PIGQ: variants seen among roughly 807,000 people sequenced by gnomAD.
The protein encoded by PIGQ is phosphatidylinositol N-acetylglucosaminyltransferase subunit Q.
Under a neutral mutation model 60.3 loss-of-function variants are expected in PIGQ, and 54 were observed. The ratio of observed to expected loss-of-function variants is 0.90; its 90% confidence interval spans 0.72 to 1.12. PIGQ has a LOEUF of 1.12. PIGQ is among the 50% of genes most tolerant of loss of function. The pLI, the probability that PIGQ is intolerant of heterozygous loss-of-function variation, is 0.00. For missense variants in PIGQ, 799 were observed against 793.5 expected (o/e 1.01, Z -0.08); for synonymous variants, 416 against 363.7 (o/e 1.14, Z -1.64).
At chr16:573,486 G>C (rs976520703) in intron 1 of PIGQ, among the ~76,000 whole-genome samples, 1 of 152,204 alleles carries the variant, frequency 6.6e-6, no homozygotes, top group Non-Finnish European at 1.5e-5. Flanking sequence ...GCTTGTGGGA[G>C]GCAGGGACCT....
In PIGQ at chr16:579,161, G is replaced by A. The variant is rs1367766029; in HGVS notation, c.1316G>A (p.Cys439Tyr). ...GTTCTGCGCCAGCGCGTGGACTCCTGTTCCTATGACCTGGACCAGGTATGG... is the reference window on the plus strand; with the variant it reads ...GTTCTGCGCCAGCGCGTGGACTCCTATTCCTATGACCTGGACCAGGTATGG... Reference protein sequence around the residue: ...WNVLRQRVDSCSYDLDQLFIG... With the variant: ...WNVLRQRVDSYSYDLDQLFIG... Residue 439 changes from cysteine (C) to tyrosine (Y), a missense_variant, in exon 7 of 11, where the codon TGT (cysteine) becomes TAT (tyrosine). Cys to Tyr is a radical substitution (Grantham distance 194, BLOSUM62 -2). Coordinates refer to ENST00000321878, the MANE Select transcript of PIGQ (RefSeq NM_004204.5). 6.2e-7 allele frequency: 1 copy of A among 1,612,794 alleles called. No individual in the cohort carries two copies. The highest frequency in any genetic ancestry group is 8.5e-7 in the Non-Finnish European group (1 of 1,179,658).
chr16:581,231 C>T, intron 9 of PIGQ: 1 of 1,419,610 alleles, frequency 7.0e-7, no homozygotes, highest in Non-Finnish European at 9.3e-7. Context: ...GGCCACAGGC[C>T]TTTGTTCTTC....
rs151296912 is a variant in PIGQ at position 574,917 on chromosome 16, T to C, written c.689+154T>C. ...AGCCCGGGCTTTGGCCCCATCCTGC[T>C]CTCCCAACCCTCGCCTCTCAGAGGG... On this transcript the variant is annotated intron_variant, in intron 2 of 10. Transcript: ENST00000321878. Among the ~76,000 whole-genome samples, 1,477 of 152,160 alleles carry C rather than the reference T, an allele frequency of 9.7e-3. 26 individuals carry two copies. Among genetic ancestry groups the C allele is most frequent in the African/African-American group, 0.033 (1,371 of 41,500 alleles).
rs2035766263 is a variant in PIGQ at position 578,929 on chromosome 16, A to G, written c.1214A>G (p.Tyr405Cys). 1 of 1,607,746 alleles carries G rather than the reference A, an allele frequency of 6.2e-7. No individual in the cohort carries two copies. Among genetic ancestry groups the G allele is most frequent in the Non-Finnish European group, 8.5e-7 (1 of 1,178,194 alleles). ...TTCCACATCTACTGCTTTTACGTCTATGGAGCCAGGTGGGCGTGGGCTTCC... is the reference window on the plus strand; with the variant it reads ...TTCCACATCTACTGCTTTTACGTCTGTGGAGCCAGGTGGGCGTGGGCTTCC... ...LTFHIYCFYV[Y>C]GARLYCLKIH... The change falls in exon 6 of 11, where the codon TAT becomes TGT. Residue 405 changes from tyrosine (Y) to cysteine (C), a missense_variant. Tyr to Cys is a radical substitution (Grantham distance 194). Transcript: ENST00000321878.
intron 4 of PIGQ, chr16:577,384 T>G (rs531242990): frequency 1.3e-5 from 2 of 151,552 alleles, no homozygotes; most frequent in Admixed American, 6.6e-5. Context: ...GAGACCATCC[T>G]GGCTAACACA....
At chr16:570,137 C>T (rs963230777) in intron 1 of PIGQ, 41 bp downstream of exon 1, 13 of 151,042 alleles carry the variant, frequency 8.6e-5, no homozygotes, top group African/African-American at 2.7e-4. Context: ...GGACCTCGGG[C>T]AGCGCCCCTG....
At chr16:576,294 G>A (rs532933429) in intron 4 of PIGQ, 40 bp downstream of exon 4, 17 of 1,540,338 alleles carry the variant, frequency 1.1e-5, no homozygotes, top group Non-Finnish European at 7.0e-6. Flanking sequence ...CCGGGTGGGC[G>A]TGGGGACCCC....
At chr16:582,108 A>C in intron 9 of PIGQ, 140 bp from the exon 10 acceptor site, 1 of 713,936 alleles carries the variant, frequency 1.4e-6, no homozygotes, top group Non-Finnish European at 2.5e-6. Flanking sequence ...TGGGCGACGG[A>C]GGGGGCGGGG....
At chr16:572,255 TCA>T (rs2035642864) in intron 1 of PIGQ, among the ~76,000 whole-genome samples, 1 of 152,186 alleles carries the variant, frequency 6.6e-6, no homozygotes, top group Non-Finnish European at 1.5e-5. Context: ...CCTTGGTGCC[TCA>T]CGTCAGCTGG....
intron 9 of PIGQ, 101 bp downstream of exon 9, chr16:581,073 G>A: frequency 2.2e-6 from 3 of 1,354,304 alleles, no homozygotes; most frequent in Non-Finnish European, 3.2e-6. Flanking sequence ...TGTGCCTCCA[G>A]CCTGGAAGCC....
chr16:582,662 G>T, intron 10 of PIGQ: 1 of 612,072 alleles, frequency 1.6e-6, no homozygotes, highest in Non-Finnish European at 2.9e-6. Flanking sequence ...CCTCAGAGTT[G>T]GGCAGCCCCG....
In PIGQ at chr16:576,235, C is replaced by A; in HGVS notation, c.923C>A (p.Ala308Asp). 1.3e-6 allele frequency: 2 copies of A among 1,553,800 alleles called. No individual in the cohort carries two copies. The highest frequency in any genetic ancestry group is 2.4e-5 in the East Asian group (1 of 41,438). The part of the protein sequence containing the change: ...GRSRIGHLAD[A>D]LVPVADHVAE... Reference sequence around the variant, plus strand: ...AGCCGCATCGGGCATCTGGCCGACGCCCTCGTTCCTGTGGCTGACGTGAGT... The same window carrying A: ...AGCCGCATCGGGCATCTGGCCGACGACCTCGTTCCTGTGGCTGACGTGAGT... The change falls in exon 4 of 11, where the codon GCC becomes GAC. Residue 308 changes from alanine (A) to aspartate (D), a missense_variant. Transcript: ENST00000321878.
At chr16:579,989 C>T (rs923252507) in intron 7 of PIGQ, 194 bp from the exon 8 acceptor site, 6 of 474,240 alleles carry the variant, frequency 1.3e-5, no homozygotes, top group Admixed American at 3.6e-5. Context: ...TGTCTCCCTG[C>T]GAGTCCCCTA....
chr16:575,737 G>A, intron 2 of PIGQ, 102 bp from the exon 3 acceptor site: 1 of 1,281,954 alleles, frequency 7.8e-7, no homozygotes, highest in Non-Finnish European at 1.1e-6. Context: ...GTCCTGCTGA[G>A]CTCAGGAGTG....
rs2035798066 is a variant in PIGQ at position 580,858 on chromosome 16, C to T, written c.1417C>T (p.Leu473Phe). 7.1e-7 allele frequency: 1 copy of T among 1,411,880 alleles called. No individual in the cohort carries two copies. The highest frequency in any genetic ancestry group is 1.0e-6 in the Non-Finnish European group (1 of 1,003,618). 87.5% of individuals were successfully genotyped at this position (1,411,880 alleles called of 1,614,324 possible). A position where few individuals can be genotyped will look rare whatever the true frequency, so the allele number is the denominator to read the frequency against. Residue 473 changes from leucine (L) to phenylalanine (F), a missense_variant and splice_region_variant, in exon 9 of 11, where the codon CTC becomes TTC. Leu to Phe is a conservative substitution (Grantham distance 22, BLOSUM62 0). Coordinates refer to ENST00000321878, the MANE Select transcript of PIGQ (RefSeq NM_004204.5). ...TALYYLVFTL[L>F]RLLVVAVQGL... is the part of the protein sequence containing the mutation. Reference sequence around the variant, plus strand: ...GGTCCTAAATGCTCCTCTGCCACAGCTCCGGCTCCTGGTGGTCGCCGTGCA... The same window carrying T: ...GGTCCTAAATGCTCCTCTGCCACAGTTCCGGCTCCTGGTGGTCGCCGTGCA...
Position 583,747 on chromosome 16 carries a change from G to T in PIGQ, c.*712G>T. 1 of 1,241,000 alleles carries T rather than the reference G, an allele frequency of 8.1e-7. No individual in the cohort carries two copies. The highest frequency in any genetic ancestry group is 2.4e-5 in the East Asian group (1 of 42,256). The allele number at this position is 1,241,000 out of a possible 1,614,324, so 76.9% of individuals were successfully genotyped here. A position where few individuals can be genotyped will look rare whatever the true frequency, so the allele number is the denominator to read the frequency against. Reference sequence around the variant, plus strand: ...CGTACCTATTCGTCCACGGTGCCCCGTAGCAGCAGGTCCTGCGGCCAAATC... The same window carrying T: ...CGTACCTATTCGTCCACGGTGCCCCTTAGCAGCAGGTCCTGCGGCCAAATC... On this transcript the variant is annotated 3_prime_UTR_variant, in exon 11 of 11. Transcript: ENST00000321878.
intron 7 of PIGQ, 155 bp from the exon 8 acceptor site, chr16:580,028 C>T: frequency 1.8e-6 from 1 of 552,814 alleles, no homozygotes. Context: ...GACAGCCCTC[C>T]TGCTACTGGG....
intron 2 of PIGQ, 23 bp downstream of exon 2, chr16:574,786 G>C: frequency 3.3e-6 from 5 of 1,495,942 alleles, no homozygotes; most frequent in Non-Finnish European, 4.5e-6. Context: ...GGACAGGCAG[G>C]TGGCAAAGAG....
In PIGQ at chr16:583,702, G is replaced by T; in HGVS notation, c.*667G>T. 6.4e-7 allele frequency: 1 copy of T among 1,565,738 alleles called. No individual in the cohort carries two copies. The highest frequency in any genetic ancestry group is 1.1e-5 in the South Asian group (1 of 90,110). On this transcript the variant is annotated 3_prime_UTR_variant, in exon 11 of 11. Coordinates refer to ENST00000321878, the MANE Select transcript of PIGQ (RefSeq NM_004204.5). ...GGGCGGGAGCAGCCTCAGTGTCAAG[G>T]GCCCGCCCACTGACCCAGCCGTACC...
Sources: allele counts gnomAD v4.1 joint callset (sites outside exome capture counted in the v4.1 genomes callset), GRCh38; gene constraint gnomAD v4.1.1; transcripts MANE v1.5; gene names NCBI Gene and HGNC (gene_info 2026-07-23, HGNC 2026-07-21).